The following KATNAL1 variants were observed in gnomAD, a reference collection of about 807,000 sequenced individuals.
KATNAL1 encodes katanin catalytic subunit A1 like 1, also known as katanin p60 ATPase-containing subunit A-like 1.
Under a neutral mutation model 55.2 loss-of-function variants are expected in KATNAL1, and 32 were observed. The observed-to-expected ratio is 0.58, with a 90% CI of 0.44 to 0.78. The LOEUF (loss-of-function observed/expected upper bound fraction) is 0.78, where lower values mean the gene tolerates loss of function less well. KATNAL1 is among the 30% of genes least tolerant of loss of function. The probability of loss-of-function intolerance (pLI) is 0.00; values close to 1 mark genes in which losing one functional copy is unlikely to be tolerated. For missense variants in KATNAL1, 466 were observed against 600.9 expected (o/e 0.78, Z 2.35); for synonymous variants, 193 against 193.6 (o/e 1.00, Z 0.02).
intron 3 of KATNAL1, among the ~76,000 whole-genome samples, chr13:30,278,158 T>C (rs958415959): frequency 1.9e-4 from 29 of 152,056 alleles, no homozygotes; most frequent in Admixed American, 1.6e-3. Flanking sequence ...TAGTAGAACC[T>C]TGTGGAGTTG....
chr13:30,248,930 G>A (rs2137444988), intron 4 of KATNAL1, among the ~76,000 whole-genome samples: 1 of 152,302 alleles, frequency 6.6e-6, no homozygotes, highest in African/African-American at 2.4e-5. Flanking sequence ...GTGGTGGTGG[G>A]CACCTGTATT....
Position 30,255,592 on chromosome 13 carries a change from G to C in KATNAL1, c.347C>G (p.Pro116Arg). The C allele has an allele frequency of 6.5e-7, 1 of 1,537,962 alleles. No homozygotes were observed. The highest frequency in any genetic ancestry group is 8.7e-7 in the Non-Finnish European group (1 of 1,143,066). Residue 116 changes from proline (P) to arginine (R), a missense_variant, in exon 4 of 11, where the codon CCC (proline) becomes CGC (arginine). By Grantham distance (103) the Pro-to-Arg change is moderately radical. This residue lies in a region of KATNAL1 where 248 missense variants were observed against 275.5 expected (regional missense o/e 0.90). Transcript: ENST00000380615. ...CCTCAGAGGTCTTACTTCTCGATTG[G>C]GACGCCTGATCTGAGGTGGAGCTCT... The part of the protein sequence containing the change: ...EHRAPPQIRR[P>R]NREVRPLRKE...
chr13:30,243,204 CT>C (rs1364340896), intron 4 of KATNAL1, among the ~76,000 whole-genome samples: 9 of 152,062 alleles, frequency 5.9e-5, no homozygotes, highest in African/African-American at 2.2e-4. Context: ...ATTTTAGCTT[CT>C]TTTTACTAAC....
chr13:30,212,378 C>T (rs377224072), intron 9 of KATNAL1, among the ~76,000 whole-genome samples: 73 of 152,330 alleles, frequency 4.8e-4, no homozygotes, highest in African/African-American at 1.7e-3. Context: ...CAATAGCCAG[C>T]GTGCCTGGCA....
At chr13:30,215,779 G>A (rs1874158691) in intron 9 of KATNAL1, among the ~76,000 whole-genome samples, 1 of 152,010 alleles carries the variant, frequency 6.6e-6, no homozygotes, top group East Asian at 1.9e-4. Context: ...CTGTTGTGGG[G>A]TGGGGGGAGT....
Position 30,204,218 on chromosome 13 carries a change from T to C in KATNAL1, c.*4322A>G, listed in dbSNP as rs1872912738. On this transcript the variant is annotated 3_prime_UTR_variant, in exon 11 of 11. Coordinates refer to ENST00000380615, the MANE Select transcript of KATNAL1 (RefSeq NM_032116.5). ...TTTCCTCATACAAGTTAAGGTGGCC[T>C]TTTCTTGGAAAAGGCCAGCATTCAC... The C allele has an allele frequency of 1.3e-5, 2 of 152,224 alleles. No homozygotes were observed. Among genetic ancestry groups the C allele is most frequent in the African/African-American group, 4.8e-5 (2 of 41,464 alleles). 9.4% of individuals were successfully genotyped at this position (152,224 alleles called of 1,614,324 possible).
At chr13:30,300,586 T>C (rs1295452651) in intron 1 of KATNAL1, among the ~76,000 whole-genome samples, 1 of 151,878 alleles carries the variant, frequency 6.6e-6, no homozygotes, top group Admixed American at 6.6e-5. Context: ...CTGCTATAAA[T>C]AAAAGCAATT....
At position 30,252,912 on chromosome 13, in the gene KATNAL1, A is replaced by T. The variant is rs184112998; in HGVS notation, c.492+2535T>A. 6.0e-4 allele frequency among the ~76,000 whole-genome samples: 91 copies of T among 152,038 alleles called. 2 individuals are homozygous for T. Among genetic ancestry groups the T allele is most frequent in the Admixed American group, 6.5e-4 (10 of 15,278 alleles). On this transcript the variant is annotated intron_variant, in intron 4 of 10. Transcript: ENST00000380615. ...CAGGCATGCACCACCACACCCAGCT[A>T]ATTTTTGTGTTTTTAGTAGAGACGG...
intron 3 of KATNAL1, among the ~76,000 whole-genome samples, chr13:30,276,197 A>G (rs1282083546): frequency 6.6e-6 from 1 of 152,236 alleles, no homozygotes; most frequent in African/African-American, 2.4e-5. Flanking sequence ...AAGGCAATCA[A>G]TCAAAATTTT....
At chr13:30,265,242 A>T (rs1377324013) in intron 3 of KATNAL1, among the ~76,000 whole-genome samples, 1 of 151,338 alleles carries the variant, frequency 6.6e-6, no homozygotes, top group East Asian at 1.9e-4. Flanking sequence ...GGGACGGGGG[A>T]GGGATAGCAT....
At chr13:30,296,807 T>C (rs1882532282) in intron 1 of KATNAL1, 2 of 409,684 alleles carry the variant, frequency 4.9e-6, no homozygotes, top group African/African-American at 2.1e-5. Flanking sequence ...TGCCCCTACC[T>C]AGGTGCCCTG....
intron 10 of KATNAL1, among the ~76,000 whole-genome samples, chr13:30,209,651 T>C (rs9579543): frequency 0.041 from 6,265 of 152,362 alleles, 173 homozygotes; most frequent in Non-Finnish European, 0.06. Flanking sequence ...TTTTGCTCAT[T>C]TGCATGTGTT....
chr13:30,249,936 T>G (rs552124492), intron 4 of KATNAL1, among the ~76,000 whole-genome samples: 1 of 152,320 alleles, frequency 6.6e-6, no homozygotes, highest in Admixed American at 6.5e-5. Context: ...AATATTAAAT[T>G]ACACAAACTT....
At chr13:30,224,809 A>G (rs1434444362) in intron 9 of KATNAL1, among the ~76,000 whole-genome samples, 1 of 152,176 alleles carries the variant, frequency 6.6e-6, no homozygotes, top group Admixed American at 6.5e-5. Context: ...TACAGATCCT[A>G]TGGCCAATAA....
chr13:30,267,776 AAGAG>A (rs922164953), intron 3 of KATNAL1, among the ~76,000 whole-genome samples: 5 of 152,158 alleles, frequency 3.3e-5, no homozygotes, highest in East Asian at 1.9e-4. Context: ...ACAGCCAAGA[AAGAG>A]AGAGAGAGAA....
chr13:30,295,752 T>C (rs529538759), intron 1 of KATNAL1, among the ~76,000 whole-genome samples: 51 of 152,330 alleles, frequency 3.3e-4, no homozygotes, highest in African/African-American at 1.2e-3. Flanking sequence ...ATAATCCTAG[T>C]TGATAAAGCA....
intron 9 of KATNAL1, chr13:30,210,785 C>T (rs934322869): frequency 1.9e-5 from 3 of 161,630 alleles, no homozygotes; most frequent in African/African-American, 7.2e-5. Context: ...ACCGGAAATG[C>T]TTCTCAAAAA....
chr13:30,249,078 A>T (rs1165167526), intron 4 of KATNAL1, among the ~76,000 whole-genome samples: 2 of 150,766 alleles, frequency 1.3e-5, no homozygotes, highest in South Asian at 4.2e-4. Context: ...AAAAAATTAC[A>T]AAAATTAGCC....
At chr13:30,292,797 C>A (rs1882221173) in intron 1 of KATNAL1, among the ~76,000 whole-genome samples, 1 of 152,152 alleles carries the variant, frequency 6.6e-6, no homozygotes, top group Non-Finnish European at 1.5e-5. Context: ...TACCTTTATT[C>A]TACCCTCATA....
Sources: gnomAD v4.1 joint callset for allele counts (sites outside exome capture counted in the v4.1 genomes callset) on GRCh38, gnomAD v4.1.1 for gene constraint, gnomAD v4.1.1 regional missense constraint, MANE v1.5 for transcripts, NCBI Gene and HGNC (gene_info 2026-07-23, HGNC 2026-07-21) for gene names.